TRIO: variants seen among roughly 807,000 people sequenced by gnomAD.
TRIO encodes the protein triple functional domain protein.
TRIO carries 58 observed loss-of-function variants against 351.9 expected under a neutral mutation model. The observed-to-expected ratio is 0.16, with a 90% CI of 0.13 to 0.21. The LOEUF (loss-of-function observed/expected upper bound fraction) is 0.21. Ranked by LOEUF, TRIO falls within the 10% of genes least tolerant of loss-of-function variation. The pLI, the probability that TRIO is intolerant of heterozygous loss-of-function variation, is 1.00. For missense variants in TRIO, 3,201 were observed against 4,027.8 expected, an observed-to-expected ratio of 0.79 and a Z score of 5.56; for synonymous variants, 1,758 against 1,595.7, an observed-to-expected ratio of 1.10 and a Z score of -2.42.
chr5:14,454,938 G>C (rs893425391), intron 34 of TRIO, among the ~76,000 whole-genome samples: 3 of 152,082 alleles, frequency 2.0e-5, no homozygotes, highest in Non-Finnish European at 4.4e-5. Flanking sequence ...TGAAGCTGCA[G>C]ACCTTCGCGG....
intron 11 of TRIO, among the ~76,000 whole-genome samples, chr5:14,355,562 G>A (rs910851636): frequency 3.9e-5 from 6 of 152,158 alleles, no homozygotes; most frequent in Non-Finnish European, 5.9e-5. Flanking sequence ...AATCCAGATC[G>A]CCTTACTCTA....
Position 14,492,580 on chromosome 5 carries a change from G to A in TRIO, c.7646G>A (p.Ser2549Asn). Residue 2549 changes from serine (S) to asparagine (N), a missense_variant, in exon 49 of 57, where the codon AGC (serine) becomes AAC (asparagine). Ser to Asn is a conservative substitution (Grantham distance 46). Coordinates refer to ENST00000344204, the MANE Select transcript of TRIO (RefSeq NM_007118.4). ...GTCCCTCTGCAGAGTGAAAGCAGCA[G>A]CAGTAGCAACATCTCCACCATGTTG... ...STQSNGSESS[S>N]SSNISTMLVT... 6.2e-7 allele frequency: 1 copy of A among 1,614,144 alleles called. No individual in the cohort carries two copies. The highest frequency in any genetic ancestry group is 8.5e-7 in the Non-Finnish European group (1 of 1,180,040).
chr5:14,467,327 C>G (rs990342242), intron 37 of TRIO, among the ~76,000 whole-genome samples: 1 of 152,138 alleles, frequency 6.6e-6, no homozygotes, highest in African/African-American at 2.4e-5. Context: ...CACAGACAAC[C>G]TCTAATGAAA....
chr5:14,486,828 G>T (rs559162543), intron 47 of TRIO, among the ~76,000 whole-genome samples: 1 of 152,118 alleles, frequency 6.6e-6, no homozygotes, highest in Non-Finnish European at 1.5e-5. Flanking sequence ...GCTCCTCAAC[G>T]CTTGCTCACA....
At chr5:14,462,965 G>C in intron 36 of TRIO, 40 bp downstream of exon 36, 1 of 1,521,792 alleles carries the variant, frequency 6.6e-7, no homozygotes, top group Non-Finnish European at 8.8e-7. Flanking sequence ...TGCCTGCCGT[G>C]CAGGGGCAGG....
rs763216004 is a variant in TRIO at position 14,280,359 on chromosome 5, T to G, written c.270T>G (p.Phe90Leu). ...AACGTGGAGGTCCCATTTTAACGTT[T>G]CCGGCCCGCAGCAATCATGACAGAA... ...RDKRGGPILT[F>L]PARSNHDRIR... The change falls in exon 3 of 57, where the codon TTT becomes TTG. Residue 90 changes from phenylalanine (F) to leucine (L), a missense_variant. By Grantham distance (22) the Phe-to-Leu change is conservative. Transcript: ENST00000344204. 6.2e-7 allele frequency: 1 copy of G among 1,614,156 alleles called. No individual in the cohort carries two copies. The highest frequency in any genetic ancestry group is 1.1e-5 in the South Asian group (1 of 91,070).
At chr5:14,201,842 T>C (rs1002607682) in intron 1 of TRIO, among the ~76,000 whole-genome samples, 2 of 152,024 alleles carry the variant, frequency 1.3e-5, no homozygotes, top group Non-Finnish European at 2.9e-5. Context: ...ATGGCAGTCA[T>C]GTTTACTTGG....
intron 6 of TRIO, among the ~76,000 whole-genome samples, chr5:14,294,381 A>G (rs1467703033): frequency 6.6e-6 from 1 of 152,188 alleles, no homozygotes; most frequent in East Asian, 1.9e-4. Context: ...AAAGTAAGAG[A>G]ATTTCTGGTT....
intron 15 of TRIO, among the ~76,000 whole-genome samples, chr5:14,365,926 A>G (rs1217271308): frequency 6.6e-6 from 1 of 152,158 alleles, no homozygotes; most frequent in Non-Finnish European, 1.5e-5. Context: ...CCTCTATCAG[A>G]AAAGAAATAT....
chr5:14,392,527 T>G (rs1747179292), intron 27 of TRIO, among the ~76,000 whole-genome samples: 8 of 152,240 alleles, frequency 5.3e-5, no homozygotes, highest in Admixed American at 5.2e-4. Context: ...TGGCGATTCC[T>G]CAAGGATCTA....
intron 1 of TRIO, among the ~76,000 whole-genome samples, chr5:14,198,344 A>G (rs1790899224): frequency 2.0e-5 from 3 of 152,256 alleles, no homozygotes; most frequent in South Asian, 4.2e-4. Flanking sequence ...TCTTTGCCCA[A>G]TCTTCTGTTC....
intron 19 of TRIO, among the ~76,000 whole-genome samples, 168 bp from the exon 20 acceptor site, chr5:14,377,844 A>AG (rs1392303611): frequency 6.6e-6 from 1 of 152,220 alleles, no homozygotes; most frequent in African/African-American, 2.4e-5. Context: ...GAGTGAGAAG[A>AG]GGTCTGGTAG....
intron 11 of TRIO, among the ~76,000 whole-genome samples, chr5:14,356,653 A>T (rs566532362): frequency 1.3e-5 from 2 of 152,338 alleles, no homozygotes; most frequent in South Asian, 4.1e-4. Flanking sequence ...TCATAAGTTC[A>T]TACAGAGGTT....
chr5:14,257,573 A>T (rs920612895), intron 1 of TRIO, among the ~76,000 whole-genome samples: 1 of 151,888 alleles, frequency 6.6e-6, no homozygotes, highest in Non-Finnish European at 1.5e-5. Context: ...TGGGGTGGGG[A>T]AGGGGGACAG....
At chr5:14,478,375 C>T (rs1256376513) in intron 41 of TRIO, among the ~76,000 whole-genome samples, 1 of 152,178 alleles carries the variant, frequency 6.6e-6, no homozygotes, top group African/African-American at 2.4e-5. Context: ...TTTTGCACAT[C>T]AGCACAGATG....
At chr5:14,462,627 C>T (rs574007718) in intron 35 of TRIO, 128 bp from the exon 36 acceptor site, 39 of 1,313,802 alleles carry the variant, frequency 3.0e-5, no homozygotes, top group South Asian at 2.4e-4. Context: ...CCATCGAGGT[C>T]GAGAATAGCT....
Position 14,398,873 on chromosome 5 carries a change from G to A in TRIO, c.4424-7G>A. ...AATTGATTTGCCTCCCTTTTTTCAT[G>A]TTGTAGGGTTTGATGAAAACATTGA... On this transcript the variant is annotated splice_region_variant and splice_polypyrimidine_tract_variant and intron_variant, in intron 29 of 56. Transcript: ENST00000344204. 6.3e-7 allele frequency: 1 copy of A among 1,598,888 alleles called. No homozygotes were observed. Among genetic ancestry groups the A allele is most frequent in the South Asian group, 1.1e-5 (1 of 88,766 alleles).
intron 34 of TRIO, among the ~76,000 whole-genome samples, chr5:14,438,981 T>A (rs938366184): frequency 2.6e-5 from 4 of 152,182 alleles, no homozygotes; most frequent in Admixed American, 2.6e-4. Context: ...ATCTGTGCGA[T>A]GCTACACCTC....
chr5:14,498,702 T>C, intron 53 of TRIO, 62 bp downstream of exon 53: 1 of 1,591,000 alleles, frequency 6.3e-7, no homozygotes, highest in Non-Finnish European at 8.6e-7. Context: ...AGGAGTCTCC[T>C]TAAGTCCTGA....
Sources: allele counts gnomAD v4.1 joint callset (sites outside exome capture counted in the v4.1 genomes callset), GRCh38; gene constraint gnomAD v4.1.1; transcripts MANE v1.5; gene names NCBI Gene and HGNC (gene_info 2026-07-23, HGNC 2026-07-21).